The following THSD4 variants were observed in gnomAD, a reference collection of about 807,000 sequenced individuals.
THSD4 encodes thrombospondin type-1 domain-containing protein 4.
THSD4 carries 69 observed loss-of-function variants against 119.0 expected under a neutral mutation model. That is an observed-to-expected ratio of 0.58 (90% CI 0.48 to 0.71). The LOEUF (loss-of-function observed/expected upper bound fraction) is 0.71, where lower values mean the gene tolerates loss of function less well. Among genes scored for constraint, THSD4 ranks in the 30% least tolerant of loss-of-function variants. The pLI is 0.00. For missense variants in THSD4, 1,393 were observed against 1,391.1 expected, an observed-to-expected ratio of 1.00 and a Z score of -0.02; for synonymous variants, 524 against 540.4, an observed-to-expected ratio of 0.97 and a Z score of 0.42.
intron 7 of THSD4, among the ~76,000 whole-genome samples, chr15:71,590,453 C>A (rs1376462647): frequency 7.5e-6 from 1 of 133,394 alleles, no homozygotes; most frequent in Admixed American, 7.9e-5. Flanking sequence ...CAAACTAACG[C>A]AGGAACAGAA....
intron 7 of THSD4, among the ~76,000 whole-genome samples, chr15:71,511,216 C>A (rs2048278998): frequency 6.6e-6 from 1 of 152,120 alleles, no homozygotes; most frequent in Non-Finnish European, 1.5e-5. Flanking sequence ...GTGTGTGGAA[C>A]TGGTAACCAA....
intron 3 of THSD4, among the ~76,000 whole-genome samples, chr15:71,204,551 TC>T (rs1398645573): frequency 2.0e-5 from 3 of 152,122 alleles, no homozygotes; most frequent in African/African-American, 7.2e-5. Flanking sequence ...ACCTCAGCCC[TC>T]ATTAAGTCCA....
intron 3 of THSD4, chr15:71,183,293 G>T (rs1174478872): frequency 2.0e-5 from 3 of 151,764 alleles, no homozygotes; most frequent in Admixed American, 6.6e-5. Context: ...CCAGGATTCA[G>T]TTACCTCCCA....
chr15:71,575,861 G>A (rs890288238), intron 7 of THSD4, among the ~76,000 whole-genome samples: 3 of 152,154 alleles, frequency 2.0e-5, no homozygotes, highest in Non-Finnish European at 2.9e-5. Flanking sequence ...TCTGTCTGTG[G>A]GCTAGGCTCT....
chr15:71,433,894 T>C (rs909628359), intron 7 of THSD4, among the ~76,000 whole-genome samples: 2 of 152,132 alleles, frequency 1.3e-5, no homozygotes, highest in Non-Finnish European at 2.9e-5. Flanking sequence ...ACCAAAGGCA[T>C]AAGCTCACAG....
chr15:71,276,607 G>T (rs2140309460), intron 6 of THSD4, among the ~76,000 whole-genome samples: 1 of 152,270 alleles, frequency 6.6e-6, no homozygotes, highest in African/African-American at 2.4e-5. Flanking sequence ...TCCAATCATG[G>T]TTACCTAGGT....
chr15:71,689,950 T>A (rs2052011787), intron 8 of THSD4, among the ~76,000 whole-genome samples: 1 of 152,194 alleles, frequency 6.6e-6, no homozygotes, highest in Non-Finnish European at 1.5e-5. Context: ...CAGGTCTTGC[T>A]CTTCAAAAGT....
chr15:71,300,065 T>C (rs1411535678), intron 6 of THSD4, among the ~76,000 whole-genome samples: 3 of 150,198 alleles, frequency 2.0e-5, no homozygotes, highest in Admixed American at 6.6e-5. Flanking sequence ...GTGGGAGAAC[T>C]GCTTGAGCTC....
chr15:71,556,330 A>G (rs2049015518), intron 7 of THSD4, among the ~76,000 whole-genome samples: 1 of 152,126 alleles, frequency 6.6e-6, no homozygotes, highest in Admixed American at 6.5e-5. Flanking sequence ...AAGTTTTACA[A>G]TTTTCTACAC....
chr15:71,660,850 C>T (rs1027430354), intron 8 of THSD4, 116 bp downstream of exon 8: 1 of 1,179,858 alleles, frequency 8.5e-7, no homozygotes, highest in Non-Finnish European at 1.2e-6. Context: ...CAGGCAGTGC[C>T]CCTGGGGAAT....
intron 6 of THSD4, among the ~76,000 whole-genome samples, chr15:71,272,869 G>GA (rs948323163): frequency 4.7e-5 from 7 of 148,612 alleles, no homozygotes; most frequent in Admixed American, 2.7e-4. Context: ...GTCTCAAAAA[G>GA]AAAAAAAAAG....
chr15:71,530,551 C>T (rs1160262414), intron 7 of THSD4, among the ~76,000 whole-genome samples: 1 of 152,074 alleles, frequency 6.6e-6, no homozygotes. Context: ...ATTTAAAAGC[C>T]CCAATCATTC....
At chr15:71,758,249 A>G (rs2053577562) in intron 15 of THSD4, among the ~76,000 whole-genome samples, 174 bp downstream of exon 15, 1 of 152,254 alleles carries the variant, frequency 6.6e-6, no homozygotes, top group Non-Finnish European at 1.5e-5. Context: ...GTCAGTCAAC[A>G]GTATTCATTG....
intron 7 of THSD4, among the ~76,000 whole-genome samples, chr15:71,494,704 C>G (rs2047983281): frequency 6.6e-6 from 1 of 152,138 alleles, no homozygotes; most frequent in South Asian, 2.1e-4. Flanking sequence ...CAGAGGAGGA[C>G]AGAAGCCTCC....
intron 7 of THSD4, among the ~76,000 whole-genome samples, chr15:71,480,389 CATT>C (rs2047712304): frequency 6.6e-6 from 1 of 152,150 alleles, no homozygotes; most frequent in South Asian, 2.1e-4. Flanking sequence ...AAATATAGAT[CATT>C]GTCATTAATA....
chr15:71,750,322 C>T (rs1251451679), intron 14 of THSD4, among the ~76,000 whole-genome samples: 4 of 152,174 alleles, frequency 2.6e-5, no homozygotes, highest in South Asian at 2.1e-4. Context: ...CCATTCTGAC[C>T]GGTCAATGGC....
chr15:71,241,437 CT>C (rs2044151929), intron 4 of THSD4, among the ~76,000 whole-genome samples: 1 of 152,114 alleles, frequency 6.6e-6, no homozygotes. Context: ...TGTATGGCCT[CT>C]AAGGCCCTTA....
At chr15:71,456,474 C>A (rs2047341422) in intron 7 of THSD4, among the ~76,000 whole-genome samples, 1 of 152,174 alleles carries the variant, frequency 6.6e-6, no homozygotes, top group South Asian at 2.1e-4. Flanking sequence ...ATTACCTGAT[C>A]ATCTCAAGCA....
chr15:71,107,253 G>C (rs16955127), intron 1 of THSD4, among the ~76,000 whole-genome samples: 1,717 of 152,148 alleles, frequency 0.011, 35 homozygotes, highest in African/African-American at 0.038. Flanking sequence ...TTTGACATGT[G>C]CAATTAACTT....
Sources: gnomAD v4.1 joint callset for allele counts (sites outside exome capture counted in the v4.1 genomes callset) on GRCh38, gnomAD v4.1.1 for gene constraint, MANE v1.5 for transcripts, NCBI Gene and HGNC (gene_info 2026-07-23, HGNC 2026-07-21) for gene names.